The following SDCCAG8 variants were observed in gnomAD, a reference collection of about 807,000 sequenced individuals.
The protein encoded by SDCCAG8 is serologically defined colon cancer antigen 8.
A neutral mutation model predicts 101.8 loss-of-function variants in SDCCAG8; 74 were observed. The observed-to-expected ratio is 0.73, with a 90% CI of 0.60 to 0.88. SDCCAG8 has a LOEUF of 0.88. SDCCAG8 is among the 40% of genes least tolerant of loss of function. The pLI is 0.00. For missense variants in SDCCAG8, 787 were observed against 822.6 expected (o/e 0.96, Z 0.53); for synonymous variants, 281 against 292.9 (o/e 0.96, Z 0.41).
chr1:243,464,622 C>T (rs1287999641), intron 16 of SDCCAG8, among the ~76,000 whole-genome samples: 1 of 152,202 alleles, frequency 6.6e-6, no homozygotes, highest in East Asian at 1.9e-4. Context: ...TGTGTATTTA[C>T]ATAACACCAT....
intron 5 of SDCCAG8, among the ~76,000 whole-genome samples, chr1:243,290,002 C>G (rs1489143157): frequency 6.6e-6 from 1 of 152,082 alleles, no homozygotes; most frequent in Non-Finnish European, 1.5e-5. Flanking sequence ...GATTTTTCAT[C>G]ACTTTGCCTT....
intron 16 of SDCCAG8, among the ~76,000 whole-genome samples, chr1:243,479,096 C>T (rs1029854872): frequency 1.3e-5 from 2 of 152,146 alleles, no homozygotes; most frequent in African/African-American, 2.4e-5. Context: ...TGTAAAATGC[C>T]GCAGCAATGG....
At chr1:243,498,121 G>C (rs1668493214) in intron 17 of SDCCAG8, among the ~76,000 whole-genome samples, 3 of 152,250 alleles carry the variant, frequency 2.0e-5, no homozygotes, top group Admixed American at 2.0e-4. Flanking sequence ...AATCCATGGA[G>C]CAGGGGTGGA....
intron 12 of SDCCAG8, among the ~76,000 whole-genome samples, chr1:243,359,403 G>C (rs879540682): frequency 6.6e-6 from 1 of 152,106 alleles, no homozygotes; most frequent in Non-Finnish European, 1.5e-5. Flanking sequence ...GTATACTTTC[G>C]GTGGGTGAAT....
At chr1:243,289,678 A>G (rs567572093) in intron 5 of SDCCAG8, among the ~76,000 whole-genome samples, 1 of 152,330 alleles carries the variant, frequency 6.6e-6, no homozygotes, top group Non-Finnish European at 1.5e-5. Context: ...GCCTAATGTC[A>G]CAGAGCTAGA....
intron 7 of SDCCAG8, chr1:243,305,086 C>A (rs775059095): frequency 3.3e-6 from 1 of 305,200 alleles, no homozygotes; most frequent in South Asian, 3.0e-5. Flanking sequence ...GCGGGCGAAT[C>A]ACGAGGTCAA....
intron 16 of SDCCAG8, among the ~76,000 whole-genome samples, chr1:243,484,765 G>A (rs1664432333): frequency 6.6e-6 from 1 of 152,214 alleles, no homozygotes. Context: ...AGAGGTGTTG[G>A]CCGGGCGCGG....
rs1246379019 is a variant in SDCCAG8 at position 243,361,013 on chromosome 1, T to C, written c.1473+16682T>C. 2.6e-5 allele frequency among the ~76,000 whole-genome samples: 4 copies of C among 152,192 alleles called. No homozygotes were observed. The South Asian group carries it at 6.2e-4, about 24-fold the overall frequency. On this transcript the variant is annotated intron_variant, in intron 12 of 17. Coordinates refer to ENST00000366541, the MANE Select transcript of SDCCAG8 (RefSeq NM_006642.5). The stretch of plus-strand genomic sequence containing the variant: ...ATATAGACATTTGCATTTACCTGTC[T>C]GGAACTTGGTCATTTTCGTTTGGGC...
intron 6 of SDCCAG8, among the ~76,000 whole-genome samples, chr1:243,297,803 G>A (rs952467659): frequency 6.6e-6 from 1 of 151,914 alleles, no homozygotes; most frequent in Admixed American, 6.6e-5. Context: ...ATATTTATTT[G>A]GGGAGTTCTT....
intron 16 of SDCCAG8, among the ~76,000 whole-genome samples, chr1:243,450,865 G>T (rs375259667): frequency 1.3e-5 from 2 of 152,130 alleles, no homozygotes; most frequent in South Asian, 4.1e-4. Flanking sequence ...CACCATGTTG[G>T]CCAGGCTGGT....
chr1:243,256,114 G>T lies in SDCCAG8; in HGVS notation c.-60G>T, dbSNP rs972337943. On this transcript the variant is annotated 5_prime_UTR_variant, in exon 1 of 18. Coordinates refer to ENST00000366541, the MANE Select transcript of SDCCAG8 (RefSeq NM_006642.5). ...CCCGGCCACAGGCCTGTTGTTCTCG[G>T]AAGGGAGAAAGCTGGACATTTCCCC... 3 of 1,525,696 alleles carry T rather than the reference G, an allele frequency of 2.0e-6. No homozygotes were observed. Among genetic ancestry groups the T allele is most frequent in the Non-Finnish European group, 1.8e-6 (2 of 1,099,372 alleles). 94.5% of individuals were successfully genotyped at this position (1,525,696 alleles called of 1,614,324 possible). A position where few individuals can be genotyped will look rare whatever the true frequency, so the allele number is the denominator to read the frequency against.
chr1:243,373,092 G>A (rs1439308545), intron 12 of SDCCAG8, among the ~76,000 whole-genome samples: 3 of 151,868 alleles, frequency 2.0e-5, no homozygotes, highest in Admixed American at 2.0e-4. Context: ...ACATTTATAT[G>A]TGTGTGTGTC....
intron 13 of SDCCAG8, among the ~76,000 whole-genome samples, chr1:243,395,067 T>C (rs1014060355): frequency 6.6e-6 from 1 of 152,182 alleles, no homozygotes; most frequent in African/African-American, 2.4e-5. Context: ...GAAAAGTGTA[T>C]GTGTGTATCG....
At chr1:243,381,074 G>C (rs1309185233) in intron 13 of SDCCAG8, among the ~76,000 whole-genome samples, 4 of 143,614 alleles carry the variant, frequency 2.8e-5, no homozygotes, top group African/African-American at 7.8e-5. Context: ...CTCCCACGCA[G>C]ATAACACCTT....
intron 1 of SDCCAG8, among the ~76,000 whole-genome samples, chr1:243,257,472 CAA>C (rs561638555): frequency 3.2e-5 from 4 of 123,128 alleles, no homozygotes; most frequent in African/African-American, 8.9e-5. Context: ...GGGAGAAAGA[CAA>C]AAAAAAAAAA....
At position 243,495,320 on chromosome 1, in the gene SDCCAG8, G is replaced by A. The variant is rs113514798; in HGVS notation, c.2113-4436G>A. On this transcript the variant is annotated intron_variant, in intron 17 of 17. Transcript: ENST00000366541. ...ACGTCCCACTTCATGTCTGCAAGGC[G>A]GCCTTCTCTGTGGATACCTTTCCAT... 7.6e-3 allele frequency among the ~76,000 whole-genome samples: 1,165 copies of A among 152,312 alleles called. 19 individuals carry two copies. Among genetic ancestry groups the A allele is most frequent in the African/African-American group, 0.026 (1,091 of 41,572 alleles).
At chr1:243,266,464 A>G (rs2067595137) in intron 1 of SDCCAG8, among the ~76,000 whole-genome samples, 1 of 151,820 alleles carries the variant, frequency 6.6e-6, no homozygotes, top group South Asian at 2.1e-4. Flanking sequence ...CCACAGGCAC[A>G]CAACACCACA....
At chr1:243,394,087 AACG>A (rs2078890063) in intron 13 of SDCCAG8, among the ~76,000 whole-genome samples, 1 of 152,354 alleles carries the variant, frequency 6.6e-6, no homozygotes, top group Non-Finnish European at 1.5e-5. Flanking sequence ...TTTGTATTAA[AACG>A]ACGACTTTAA....
At chr1:243,476,418 G>T in intron 16 of SDCCAG8, 1 of 938,682 alleles carries the variant, frequency 1.1e-6, no homozygotes. Context: ...CCAATCTTAT[G>T]CCATCACACC....
Sources: allele counts gnomAD v4.1 joint callset (sites outside exome capture counted in the v4.1 genomes callset), GRCh38; gene constraint gnomAD v4.1.1; transcripts MANE v1.5; gene names NCBI Gene and HGNC (gene_info 2026-07-23, HGNC 2026-07-21).